CHD1L: variants seen among roughly 807,000 people sequenced by gnomAD.
CHD1L encodes ATP-dependent chromatin remodeler CHD1L.
A neutral mutation model predicts 115.9 loss-of-function variants in CHD1L; 118 were observed. That is an observed-to-expected ratio of 1.02 (90% CI 0.88 to 1.19). The LOEUF (loss-of-function observed/expected upper bound fraction) is 1.19, where lower values mean the gene tolerates loss of function less well. Ranked by LOEUF, CHD1L falls within the 50% of genes most tolerant of loss-of-function variation. The pLI is 0.00. For missense variants in CHD1L, 1,179 were observed against 1,065.3 expected, an observed-to-expected ratio of 1.11 and a Z score of -1.49; for synonymous variants, 411 against 387.1, an observed-to-expected ratio of 1.06 and a Z score of -0.72.
At chr1:147,213,199 G>T in the CHD1L span, 2 of 891,974 alleles carry the variant, frequency 2.2e-6, no homozygotes, top group Non-Finnish European at 3.3e-6. Context: ...ATTAGGATAA[G>T]TCTTACTTCA....
chr1:147,215,998 A>G, the CHD1L span: 1 of 1,339,928 alleles, frequency 7.5e-7, no homozygotes, highest in African/African-American at 1.5e-5. Context: ...ATGTTTTATA[A>G]TAGCCAATAG....
chr1:147,228,168 C>T, the CHD1L span, among the ~76,000 whole-genome samples: 1 of 151,592 alleles, frequency 6.6e-6, no homozygotes, highest in African/African-American at 2.4e-5. Flanking sequence ...CAGCCCCCCA[C>T]CCCACAACAG....
the CHD1L span, among the ~76,000 whole-genome samples, chr1:147,190,485 A>G: frequency 6.6e-6 from 1 of 152,098 alleles, no homozygotes; most frequent in African/African-American, 2.4e-5. Flanking sequence ...TCTGACTTCC[A>G]ACCAATACCT....
chr1:147,246,977 A>C (rs1666826706), intron 1 of CHD1L, among the ~76,000 whole-genome samples: 1 of 152,124 alleles, frequency 6.6e-6, no homozygotes, highest in Non-Finnish European at 1.5e-5. Flanking sequence ...TCCATGATCT[A>C]CTTTGAGTTA....
upstream of CHD1L, among the ~76,000 whole-genome samples, chr1:147,238,425 G>C (rs1664656621): frequency 6.6e-6 from 1 of 152,178 alleles, no homozygotes; most frequent in Admixed American, 6.5e-5. Flanking sequence ...ATCCATGCTT[G>C]TTTTGGTAAT....
intron 17 of CHD1L, among the ~76,000 whole-genome samples, chr1:147,285,739 C>T (rs1682846198): frequency 6.6e-6 from 1 of 152,156 alleles, no homozygotes; most frequent in South Asian, 2.1e-4. Flanking sequence ...TGCTCTGTTA[C>T]CCAGGCTGGA....
At chr1:147,268,539 T>G (rs1674866307) in intron 9 of CHD1L, among the ~76,000 whole-genome samples, 1 of 152,174 alleles carries the variant, frequency 6.6e-6, no homozygotes, top group Non-Finnish European at 1.5e-5. Context: ...CAGTTTTGGG[T>G]CTCCTTGACC....
chr1:147,198,663 A>T, the CHD1L span, among the ~76,000 whole-genome samples: 9 of 151,926 alleles, frequency 5.9e-5, no homozygotes, highest in African/African-American at 2.2e-4. Flanking sequence ...ATCCTGGCTA[A>T]CATGGTGAAA....
chr1:147,271,610 C>A (rs782142658), intron 11 of CHD1L, among the ~76,000 whole-genome samples: 3 of 152,186 alleles, frequency 2.0e-5, no homozygotes, highest in African/African-American at 4.8e-5. Context: ...TGTCTGAGTT[C>A]CGCAGTATAC....
the CHD1L span, among the ~76,000 whole-genome samples, chr1:147,227,616 C>T: frequency 1.3e-5 from 2 of 152,178 alleles, no homozygotes; most frequent in Admixed American, 6.5e-5. Context: ...TAACTTGATA[C>T]ATCCAAATTA....
At chr1:147,236,645 G>A in the CHD1L span, among the ~76,000 whole-genome samples, 1 of 151,750 alleles carries the variant, frequency 6.6e-6, no homozygotes, top group Non-Finnish European at 1.5e-5. Flanking sequence ...CTCTCACAGA[G>A]AGGAGACCCT....
chr1:147,194,374 A>C, the CHD1L span, among the ~76,000 whole-genome samples: 1 of 151,998 alleles, frequency 6.6e-6, no homozygotes, highest in Admixed American at 6.5e-5. Flanking sequence ...ATCTTCCTCC[A>C]TCCCTTTATT....
the CHD1L span, among the ~76,000 whole-genome samples, chr1:147,196,535 TATAG>T: frequency 2.0e-5 from 3 of 151,996 alleles, no homozygotes; most frequent in African/African-American, 7.3e-5. Context: ...TCTGTCTATA[TATAG>T]ATAGATAAAG....
At chr1:147,271,286 A>G (rs1553952887) in intron 11 of CHD1L, among the ~76,000 whole-genome samples, 1 of 152,216 alleles carries the variant, frequency 6.6e-6, no homozygotes, top group Non-Finnish European at 1.5e-5. Flanking sequence ...AATGTTTTTG[A>G]AAATGTGTGA....
upstream of CHD1L, among the ~76,000 whole-genome samples, chr1:147,237,852 C>G (rs1053368574): frequency 6.6e-6 from 1 of 152,118 alleles, no homozygotes; most frequent in African/African-American, 2.4e-5. Flanking sequence ...AAAAGGAAAA[C>G]ACTGTCCTTT....
At chr1:147,205,158 G>C in the CHD1L span, among the ~76,000 whole-genome samples, 2 of 152,062 alleles carry the variant, frequency 1.3e-5, no homozygotes, top group Non-Finnish European at 2.9e-5. Context: ...TATTTGTTTG[G>C]CTATCTCCTA....
At chr1:147,231,525 A>G in the CHD1L span, among the ~76,000 whole-genome samples, 2 of 152,044 alleles carry the variant, frequency 1.3e-5, no homozygotes, top group African/African-American at 4.8e-5. Context: ...TATTAAGTCC[A>G]CCTGGTGCAG....
At chr1:147,213,456 A>G in the CHD1L span, 1 of 1,608,484 alleles carries the variant, frequency 6.2e-7, no homozygotes, top group Non-Finnish European at 8.5e-7. Flanking sequence ...GCTTCTTCAC[A>G]CTGCACACAG....
intron 8 of CHD1L, 39 bp downstream of exon 8, chr1:147,266,126 G>A: frequency 6.4e-7 from 1 of 1,552,826 alleles, no homozygotes; most frequent in East Asian, 2.3e-5. Flanking sequence ...AACTAAATGA[G>A]GATGTGATTT....
Sources: gnomAD v4.1 joint callset for allele counts (sites outside exome capture counted in the v4.1 genomes callset) on GRCh38, gnomAD v4.1.1 for gene constraint, MANE v1.5 for transcripts, NCBI Gene and HGNC (gene_info 2026-07-23, HGNC 2026-07-21) for gene names.